The following TBCK variants were observed in gnomAD, a reference collection of about 807,000 sequenced individuals.
TBCK encodes TBC domain-containing protein kinase-like protein.
Under a neutral mutation model 113.4 loss-of-function variants are expected in TBCK, and 99 were observed. The ratio of observed to expected loss-of-function variants is 0.87; its 90% CI spans 0.74 to 1.03. The LOEUF is 1.03. Among genes scored for constraint, TBCK ranks in the 50% least tolerant of loss-of-function variants. The pLI is 0.00. For missense variants in TBCK, 1,045 were observed against 1,061.3 expected, an observed-to-expected ratio of 0.98 and a Z score of 0.21; for synonymous variants, 369 against 370.8, an observed-to-expected ratio of 1.00 and a Z score of 0.05.
At chr4:106,234,417 A>T (rs932798778) in intron 15 of TBCK, among the ~76,000 whole-genome samples, 1 of 152,142 alleles carries the variant, frequency 6.6e-6, no homozygotes, top group Non-Finnish European at 1.5e-5. Context: ...CAAACAGAGG[A>T]TTGAAAAGGA....
chr4:106,233,731 A>G (rs1464951661), intron 15 of TBCK, 81 bp from the exon 16 acceptor site: 1 of 1,196,430 alleles, frequency 8.4e-7, no homozygotes, highest in Non-Finnish European at 1.2e-6. Flanking sequence ...TTTTTTACAA[A>G]TATCTATCTT....
chr4:106,251,860 A>G lies in TBCK; in HGVS notation c.597+6T>C. On this transcript the variant is annotated splice_donor_region_variant and intron_variant, in intron 6 of 25. Transcript: ENST00000394708. ...TTTTATTATATTAATATTTCTTTAT[A>G]CATACCACACAAAGCTCAAATAAAA... 6.3e-7 allele frequency: 1 copy of G among 1,580,162 alleles called. No individual in the cohort carries two copies.
chr4:106,121,698 CT>C (rs1229220227), intron 23 of TBCK, among the ~76,000 whole-genome samples: 1 of 152,154 alleles, frequency 6.6e-6, no homozygotes, highest in African/African-American at 2.4e-5. Flanking sequence ...TGCAATCAAA[CT>C]AGAACTCAGG....
chr4:106,264,731 GATT>G (rs1225246813), intron 3 of TBCK, among the ~76,000 whole-genome samples: 1 of 151,892 alleles, frequency 6.6e-6, no homozygotes, highest in Non-Finnish European at 1.5e-5. Context: ...TATTTATGAA[GATT>G]ATCATCAGCT....
intron 23 of TBCK, among the ~76,000 whole-genome samples, chr4:106,160,950 AT>A (rs1749703608): frequency 6.6e-6 from 1 of 152,052 alleles, no homozygotes; most frequent in African/African-American, 2.4e-5. Flanking sequence ...GAAAAAAAAA[AT>A]CTGACCAAAA....
At chr4:106,303,441 T>C (rs1253686668) in intron 2 of TBCK, among the ~76,000 whole-genome samples, 1 of 152,116 alleles carries the variant, frequency 6.6e-6, no homozygotes, top group Non-Finnish European at 1.5e-5. Context: ...ACATACACAA[T>C]TTTATATGTA....
At chr4:106,140,887 C>A (rs922185047) in intron 23 of TBCK, among the ~76,000 whole-genome samples, 1 of 139,990 alleles carries the variant, frequency 7.1e-6, no homozygotes, top group African/African-American at 2.5e-5. Context: ...GAAATTAGGA[C>A]AGAGCCTAGA....
At chr4:106,053,627 T>G (rs1315273777) in intron 25 of TBCK, among the ~76,000 whole-genome samples, 2 of 151,750 alleles carry the variant, frequency 1.3e-5, no homozygotes, top group Non-Finnish European at 3.0e-5. Flanking sequence ...GTCCTATCTA[T>G]ACACTGATGA....
intron 4 of TBCK, among the ~76,000 whole-genome samples, chr4:106,260,742 A>G (rs1762430642): frequency 1.3e-5 from 2 of 151,988 alleles, no homozygotes; most frequent in African/African-American, 4.8e-5. Context: ...GTACACATAT[A>G]TATCTCAAAA....
intron 24 of TBCK, among the ~76,000 whole-genome samples, chr4:106,099,757 T>C (rs1741330431): frequency 1.3e-5 from 2 of 152,208 alleles, no homozygotes; most frequent in Admixed American, 6.5e-5. Flanking sequence ...ATTTCAGATA[T>C]TGATTTGTCT....
intron 23 of TBCK, among the ~76,000 whole-genome samples, chr4:106,146,414 A>G (rs1243361036): frequency 6.6e-6 from 1 of 152,072 alleles, no homozygotes; most frequent in African/African-American, 2.4e-5. Flanking sequence ...GAACACAAAG[A>G]AGGAAACAGA....
chr4:106,078,354 T>A (rs1210095592), intron 25 of TBCK, among the ~76,000 whole-genome samples: 3 of 152,150 alleles, frequency 2.0e-5, no homozygotes, highest in African/African-American at 7.2e-5. Flanking sequence ...AAAAGTTGGT[T>A]CTTCAAAAGA....
chr4:106,056,454 T>A (rs1735414697), intron 25 of TBCK, among the ~76,000 whole-genome samples: 2 of 151,556 alleles, frequency 1.3e-5, no homozygotes, highest in Non-Finnish European at 3.0e-5. Context: ...TATATATAAA[T>A]ATAGATAGAT....
At chr4:106,111,319 T>G (rs1415867823) in intron 24 of TBCK, among the ~76,000 whole-genome samples, 1 of 152,234 alleles carries the variant, frequency 6.6e-6, no homozygotes, top group Non-Finnish European at 1.5e-5. Flanking sequence ...GATGCTAATT[T>G]GCAACCTATG....
chr4:106,131,122 G>A (rs567235895), intron 23 of TBCK, among the ~76,000 whole-genome samples: 23 of 152,212 alleles, frequency 1.5e-4, no homozygotes, highest in Admixed American at 7.2e-4. Flanking sequence ...TAAGTCTCAC[G>A]AGATCTGATG....
chr4:106,176,918 A>T (rs1389094535), intron 22 of TBCK, among the ~76,000 whole-genome samples: 2 of 149,842 alleles, frequency 1.3e-5, no homozygotes, highest in African/African-American at 2.4e-5. Context: ...ATAATTAGTG[A>T]TATTGAGTAC....
intron 25 of TBCK, among the ~76,000 whole-genome samples, chr4:106,047,679 C>T (rs1050048122): frequency 1.3e-5 from 2 of 152,126 alleles, no homozygotes; most frequent in African/African-American, 4.8e-5. Context: ...GAGCTTCCTT[C>T]TATTTTGTTT....
intron 23 of TBCK, among the ~76,000 whole-genome samples, chr4:106,132,455 G>A (rs1006412927): frequency 2.6e-5 from 4 of 152,242 alleles, no homozygotes; most frequent in Non-Finnish European, 1.5e-5. Context: ...GTCAAGAATT[G>A]AGGTTTAGAA....
intron 23 of TBCK, among the ~76,000 whole-genome samples, chr4:106,133,150 C>T (rs765701973): frequency 1.3e-5 from 2 of 152,122 alleles, no homozygotes; most frequent in Non-Finnish European, 2.9e-5. Context: ...GCTGTGTCCC[C>T]ACCCAAATCT....
Sources: gnomAD v4.1 joint callset for allele counts (sites outside exome capture counted in the v4.1 genomes callset) on GRCh38, gnomAD v4.1.1 for gene constraint, MANE v1.5 for transcripts, NCBI Gene and HGNC (gene_info 2026-07-23, HGNC 2026-07-21) for gene names.